CLEC2A: variants seen among roughly 807,000 people sequenced by gnomAD.
CLEC2A encodes the protein keratinocyte-associated C-type lectin.
In CLEC2A, 19 loss-of-function variants were observed where a neutral mutation model predicts 18.6. The ratio of observed to expected loss-of-function variants is 1.02; its 90% confidence interval spans 0.71 to 1.50. CLEC2A has a LOEUF of 1.50. Among genes scored for constraint, CLEC2A ranks in the 40% most tolerant of loss-of-function variants. CLEC2A has a pLI of 0.00. For missense variants in CLEC2A, 190 were observed against 207.9 expected (o/e 0.91, Z 0.53); for synonymous variants, 74 against 64.0 (o/e 1.16, Z -0.75).
intron 2 of CLEC2A, among the ~76,000 whole-genome samples, chr12:9,924,878 C>G (rs1320842590): frequency 1.3e-5 from 2 of 152,156 alleles, no homozygotes; most frequent in Admixed American, 1.3e-4. Context: ...TTCTTATAAG[C>G]AGGAGATAAA....
chr12:9,903,806 A>G (rs1419901546), intron 4 of CLEC2A, among the ~76,000 whole-genome samples: 2 of 152,158 alleles, frequency 1.3e-5, no homozygotes, highest in African/African-American at 2.4e-5. Context: ...CAATTATTTG[A>G]TTTTGGGACT....
At chr12:9,918,138 C>A (rs964332529) in intron 3 of CLEC2A, among the ~76,000 whole-genome samples, 1 of 151,146 alleles carries the variant, frequency 6.6e-6, no homozygotes, top group African/African-American at 2.4e-5. Context: ...TTTTTTTTTA[C>A]TATTGCTTTT....
At chr12:9,903,253 AG>A (rs1450061991) in intron 4 of CLEC2A, among the ~76,000 whole-genome samples, 1 of 151,974 alleles carries the variant, frequency 6.6e-6, no homozygotes, top group African/African-American at 2.4e-5. Context: ...TTGATCACCT[AG>A]GAATAAGAAT....
At chr12:9,914,610 G>C (rs1207727756) in intron 4 of CLEC2A, among the ~76,000 whole-genome samples, 2 of 152,130 alleles carry the variant, frequency 1.3e-5, no homozygotes, top group Non-Finnish European at 2.9e-5. Flanking sequence ...ACAAGCAATG[G>C]GGGAAGGATT....
Position 9,899,806 on chromosome 12 carries a change from A to T in CLEC2A, c.411-830T>A, listed in dbSNP as rs1283342187. 2.0e-5 allele frequency among the ~76,000 whole-genome samples: 3 copies of T among 152,296 alleles called. No individual in the cohort carries two copies. The East Asian group carries it at 5.8e-4, about 29-fold the overall frequency. Reference sequence around the variant, plus strand: ...GAACCAGGAAGCTTGGGGTTGCCTTAATCAGCAGGAACCAGCCACACTCAC... The same window carrying T: ...GAACCAGGAAGCTTGGGGTTGCCTTTATCAGCAGGAACCAGCCACACTCAC... On this transcript the variant is annotated intron_variant, in intron 4 of 4. Transcript: ENST00000339766.
intron 4 of CLEC2A, 133 bp downstream of exon 4, chr12:9,916,567 C>A (rs524994): frequency 0.62 from 410,029 of 663,882 alleles, 129,508 homozygotes; most frequent in Middle Eastern, 0.69. Context: ...CATATGTCAT[C>A]GATTGGAGAC....
the CLEC2A span, among the ~76,000 whole-genome samples, chr12:9,890,057 AT>A: frequency 6.6e-6 from 1 of 152,106 alleles, no homozygotes; most frequent in Non-Finnish European, 1.5e-5. Flanking sequence ...CATAATCAAT[AT>A]TTTCCATCTG....
At chr12:9,902,744 G>T (rs1862851246) in intron 4 of CLEC2A, among the ~76,000 whole-genome samples, 1 of 152,162 alleles carries the variant, frequency 6.6e-6, no homozygotes, top group Non-Finnish European at 1.5e-5. Flanking sequence ...CTGTAGAAAG[G>T]TGTTGCCTGC....
At chr12:9,909,583 G>A (rs551969225), downstream of CLEC2A, among the ~76,000 whole-genome samples, 37 of 152,186 alleles carry the variant, frequency 2.4e-4, no homozygotes, top group Non-Finnish European at 5.0e-4. Flanking sequence ...ACTGGTTAGA[G>A]GAGCATTTAT....
At chr12:9,926,570 A>G (rs940193295) in intron 1 of CLEC2A, among the ~76,000 whole-genome samples, 3 of 152,178 alleles carry the variant, frequency 2.0e-5, no homozygotes, top group African/African-American at 7.2e-5. Flanking sequence ...TGGAGAAATC[A>G]CTGAGTTTTG....
the CLEC2A span, among the ~76,000 whole-genome samples, chr12:9,886,834 C>G: frequency 6.7e-6 from 1 of 149,826 alleles, no homozygotes; most frequent in Non-Finnish European, 1.5e-5. Flanking sequence ...CCAGGTAGAG[C>G]TCCTGATTTA....
At chr12:9,880,086 A>G in the CLEC2A span, among the ~76,000 whole-genome samples, 2 of 152,250 alleles carry the variant, frequency 1.3e-5, no homozygotes, top group African/African-American at 4.8e-5. Flanking sequence ...TAGATGCCAC[A>G]CTACAGTCCC....
At chr12:9,886,270 G>A in the CLEC2A span, among the ~76,000 whole-genome samples, 164 of 151,950 alleles carry the variant, frequency 1.1e-3, no homozygotes, top group African/African-American at 3.7e-3. Context: ...TATTCTTCAT[G>A]GCTTCCAGTC....
chr12:9,914,168 A>G (rs1321607928), intron 4 of CLEC2A, among the ~76,000 whole-genome samples: 1 of 152,240 alleles, frequency 6.6e-6, no homozygotes, highest in African/African-American at 2.4e-5. Context: ...AACATACTGC[A>G]ATAGAAACCT....
chr12:9,900,323 T>A (rs1210925594), intron 4 of CLEC2A, among the ~76,000 whole-genome samples: 2 of 152,160 alleles, frequency 1.3e-5, no homozygotes, highest in Admixed American at 1.3e-4. Context: ...TAGTCTAAGA[T>A]GTAAGCAAAA....
chr12:9,880,754 TC>T, the CLEC2A span, among the ~76,000 whole-genome samples: 1 of 151,574 alleles, frequency 6.6e-6, no homozygotes, highest in Non-Finnish European at 1.5e-5. Context: ...GGAAGACAAG[TC>T]TTTTTGTTCT....
chr12:9,905,960 A>G (rs73253500), intron 4 of CLEC2A, among the ~76,000 whole-genome samples: 4,060 of 152,076 alleles, frequency 0.027, 217 homozygotes, highest in African/African-American at 0.092. Flanking sequence ...AACACTTTGA[A>G]ATGGTGTTAG....
the CLEC2A span, chr12:9,892,957 A>C: frequency 7.8e-7 from 1 of 1,285,896 alleles, no homozygotes; most frequent in Non-Finnish European, 1.1e-6. Flanking sequence ...CACATTTGAT[A>C]ATATTTCTAT....
the CLEC2A span, among the ~76,000 whole-genome samples, chr12:9,882,322 A>T: frequency 6.6e-6 from 1 of 152,206 alleles, no homozygotes; most frequent in Non-Finnish European, 1.5e-5. Flanking sequence ...TATATCTAGC[A>T]AATGCAAACT....
Sources: gnomAD v4.1 joint callset for allele counts (sites outside exome capture counted in the v4.1 genomes callset) on GRCh38, gnomAD v4.1.1 for gene constraint, MANE v1.5 for transcripts, NCBI Gene and HGNC (gene_info 2026-07-23, HGNC 2026-07-21) for gene names.